OSBPL3: variants seen among roughly 807,000 people sequenced by gnomAD.
OSBPL3 encodes the protein oxysterol-binding protein-related protein 3.
In OSBPL3, 65 loss-of-function variants were observed where a neutral mutation model predicts 120.1. The observed-to-expected ratio is 0.54, with a 90% CI of 0.44 to 0.67. The LOEUF (loss-of-function observed/expected upper bound fraction) is 0.67. OSBPL3 is among the 30% of genes least tolerant of loss of function. The pLI is 0.00. For missense variants in OSBPL3, 1,004 were observed against 1,082.1 expected (o/e 0.93, Z 1.01); for synonymous variants, 416 against 402.6 (o/e 1.03, Z -0.40).
At chr7:24,823,827 G>A (rs888728493) in intron 16 of OSBPL3, among the ~76,000 whole-genome samples, 3 of 152,172 alleles carry the variant, frequency 2.0e-5, no homozygotes, top group Non-Finnish European at 4.4e-5. Context: ...ATGGAAAAAG[G>A]TAATTCACAG....
chr7:24,870,897 G>C, intron 4 of OSBPL3, 52 bp from the exon 5 acceptor site: 1 of 1,128,542 alleles, frequency 8.9e-7, no homozygotes, highest in African/African-American at 1.5e-5. Context: ...AGAAGCAGTA[G>C]TCACATCCCT....
chr7:24,848,825 A>G (rs1201734604), intron 12 of OSBPL3, among the ~76,000 whole-genome samples: 1 of 148,924 alleles, frequency 6.7e-6, no homozygotes, highest in Non-Finnish European at 1.5e-5. Flanking sequence ...ACAGAAATAT[A>G]AAAAAAAAAG....
chr7:24,897,312 G>A (rs1220524743), intron 1 of OSBPL3, among the ~76,000 whole-genome samples: 1 of 150,220 alleles, frequency 6.7e-6, no homozygotes, highest in Non-Finnish European at 1.5e-5. Context: ...AAATAAAGAT[G>A]GCAGAATCTT....
chr7:24,935,906 A>C (rs1029719963), intron 1 of OSBPL3, among the ~76,000 whole-genome samples: 1 of 151,990 alleles, frequency 6.6e-6, no homozygotes, highest in African/African-American at 2.4e-5. Flanking sequence ...ATTATACTTT[A>C]AGTTTTAGGG....
At chr7:24,917,032 A>AACACCATATTT (rs2128437163) in intron 1 of OSBPL3, among the ~76,000 whole-genome samples, 2 of 152,218 alleles carry the variant, frequency 1.3e-5, no homozygotes, top group African/African-American at 2.4e-5. Context: ...AATTCCCAGG[A>AACACCATATTT]GTAGAGGGGG....
intron 18 of OSBPL3, among the ~76,000 whole-genome samples, chr7:24,816,163 T>A (rs886902758): frequency 1.2e-4 from 18 of 152,206 alleles, no homozygotes; most frequent in African/African-American, 4.1e-4. Flanking sequence ...TAGCTGGGAC[T>A]ACAGGTGCGT....
intron 16 of OSBPL3, among the ~76,000 whole-genome samples, chr7:24,828,958 CTCTT>C (rs1796055473): frequency 6.6e-6 from 1 of 152,132 alleles, no homozygotes; most frequent in South Asian, 2.1e-4. Flanking sequence ...TTATGTAACC[CTCTT>C]TCTGTCTTTG....
Position 24,804,646 on chromosome 7 carries a change from T to A in OSBPL3, c.2445-209A>T, listed in dbSNP as rs1337533064. Among the ~76,000 whole-genome samples, 2 of 152,194 alleles carry A rather than the reference T, an allele frequency of 1.3e-5. No individual in the cohort carries two copies. The highest frequency in any genetic ancestry group is 2.9e-5 in the Non-Finnish European group (2 of 68,044). On this transcript the variant is annotated intron_variant, in intron 21 of 22. Transcript: ENST00000313367. The surrounding 1 kb of genome is among the most constrained non-coding windows in gnomAD (Gnocchi z 5.4). The stretch of plus-strand genomic sequence containing the variant: ...ATATTTACATAATTCAAAAATTATA[T>A]CTACAAAAAAGAATTTGGGGCAAAG...
In OSBPL3 at chr7:24,863,611, A is replaced by G; in HGVS notation, c.674-12T>C. The G allele has an allele frequency of 6.4e-7, 1 of 1,564,322 alleles. No homozygotes were observed. Among genetic ancestry groups the G allele is most frequent in the Non-Finnish European group, 8.8e-7 (1 of 1,134,524 alleles). ...ACAGTGCGCCAGGTCTGTGGGGGAA[A>G]AGAGGACAGTGCTCACAATGCTCCA... On this transcript the variant is annotated splice_polypyrimidine_tract_variant and intron_variant, in intron 7 of 22. Transcript: ENST00000313367. The surrounding 1 kb of genome is among the most constrained non-coding windows in gnomAD (Gnocchi z 5.8).
In OSBPL3 at chr7:24,804,461, T is replaced by G. The variant is rs57390482; in HGVS notation, c.2445-24A>C. On this transcript the variant is annotated intron_variant, in intron 21 of 22. Coordinates refer to ENST00000313367, the MANE Select transcript of OSBPL3 (RefSeq NM_015550.4). This position sits in a 1 kb window ranked among gnomAD's most constrained non-coding sequence, Gnocchi z 5.4. ...ACCTGAGGCATCGAGGAAAAAAAAA[T>G]GAAAGGATATGAATTCAAGAAAACA... 6.2e-7 allele frequency: 1 copy of G among 1,600,482 alleles called. No homozygotes were observed. The highest frequency in any genetic ancestry group is 8.5e-7 in the Non-Finnish European group (1 of 1,171,514).
chr7:24,821,640 G>C lies in OSBPL3; in HGVS notation c.1885-1402C>G, dbSNP rs1041447111. ...CCAGTGTGGGCCAAAGAAAGGTAGA[G>C]ACAAAGACGTAAATCATGTAGGCAT... On this transcript the variant is annotated intron_variant, in intron 16 of 22. Transcript: ENST00000313367. The surrounding 1 kb of genome is among the most constrained non-coding windows in gnomAD (Gnocchi z 5.5). 2.6e-5 allele frequency among the ~76,000 whole-genome samples: 4 copies of C among 152,222 alleles called. No individual in the cohort carries two copies. Among genetic ancestry groups the C allele is most frequent in the Non-Finnish European group, 5.9e-5 (4 of 68,046 alleles).
At position 24,854,523 on chromosome 7, in the gene OSBPL3, C is replaced by A. The variant is rs1019392049; in HGVS notation, c.1028-1889G>T. Among the ~76,000 whole-genome samples, 9 of 150,070 alleles carry A rather than the reference C, an allele frequency of 6.0e-5. No individual in the cohort carries two copies. The highest frequency in any genetic ancestry group is 2.0e-4 in the Admixed American group (3 of 14,968). On this transcript the variant is annotated intron_variant, in intron 10 of 22. Coordinates refer to ENST00000313367, the MANE Select transcript of OSBPL3 (RefSeq NM_015550.4). This position sits in a 1 kb window ranked among gnomAD's most constrained non-coding sequence, Gnocchi z 4.1. ...ACACGCACACACACACACACACACA[C>A]ACACACACACACACAAACACACACA...
chr7:24,923,226 C>T (rs1212739652), intron 1 of OSBPL3, among the ~76,000 whole-genome samples: 1 of 152,194 alleles, frequency 6.6e-6, no homozygotes, highest in Non-Finnish European at 1.5e-5. Context: ...GAGTGGAGCT[C>T]CTCAGGACTG....
rs767271004 is a variant in OSBPL3 at position 24,892,438 on chromosome 7, T to G, written c.35A>C (p.Gln12Pro). ...GCTCCTTGAAGGTGATACCAATTTT[T>G]GGGACACACCAAGGTTCTTCTCATC... ...MSDEKNLGVS[Q>P]KLVSPSRSTS... The change falls in exon 2 of 23, where the codon CAA becomes CCA. Residue 12 changes from glutamine (Q) to proline (P), a missense_variant. Gln to Pro is a moderately conservative substitution (Grantham distance 76, BLOSUM62 -1). Around this residue, in one of 4 missense-constraint regions of OSBPL3, gnomAD observed 255 missense variants for 248.7 expected, o/e 1.03. Coordinates refer to ENST00000313367, the MANE Select transcript of OSBPL3 (RefSeq NM_015550.4). 165 of 1,613,760 alleles carry G rather than the reference T, an allele frequency of 1.0e-4. No homozygotes were observed. The highest frequency in any genetic ancestry group is 1.3e-4 in the Non-Finnish European group (159 of 1,179,804).
intron 22 of OSBPL3, among the ~76,000 whole-genome samples, chr7:24,801,200 C>T (rs556265111): frequency 5.2e-5 from 7 of 133,750 alleles, no homozygotes; most frequent in Admixed American, 2.5e-4. Flanking sequence ...GCTAGGATCA[C>T]GGCACTGCAC....
Position 24,863,670 on chromosome 7 carries a change from C to T in OSBPL3, c.674-71G>A, listed in dbSNP as rs1399108213. ...AGGGATCACTGTGCTGTCCCCATGC[C>T]AGCTACTTTTCCTTATTTATCTGTA... On this transcript the variant is annotated intron_variant, in intron 7 of 22. Transcript: ENST00000313367. The surrounding 1 kb of genome is among the most constrained non-coding windows in gnomAD (Gnocchi z 5.8). 5 of 977,960 alleles carry T rather than the reference C, an allele frequency of 5.1e-6. No homozygotes were observed. The highest frequency in any genetic ancestry group is 2.1e-4 in the Middle Eastern group (1 of 4,706). The allele number at this position is 977,960 out of a possible 1,614,324, so 60.6% of individuals were successfully genotyped here. A position where few individuals can be genotyped will look rare whatever the true frequency, so the allele number is the denominator to read the frequency against.
chr7:24,843,882 C>T (rs1029785037), intron 12 of OSBPL3, among the ~76,000 whole-genome samples: 1 of 152,340 alleles, frequency 6.6e-6, no homozygotes, highest in Middle Eastern at 3.4e-3. Context: ...CTCACTCAAA[C>T]AAGAGAATAG....
In OSBPL3 at chr7:24,820,882, A is replaced by G. The variant is rs117676329; in HGVS notation, c.1885-644T>C. ...AGTCAACTGTTAAGAAATTTTATTT[A>G]TTTTTGGTCTAATAAAACTATCTTA... On this transcript the variant is annotated intron_variant, in intron 16 of 22. Coordinates refer to ENST00000313367, the MANE Select transcript of OSBPL3 (RefSeq NM_015550.4). This position sits in a 1 kb window ranked among gnomAD's most constrained non-coding sequence, Gnocchi z 4.6. 7.1e-4 allele frequency among the ~76,000 whole-genome samples: 108 copies of G among 152,128 alleles called. 1 individual carries two copies. Among genetic ancestry groups the G allele is most frequent in the Non-Finnish European group, 1.4e-3 (95 of 68,004 alleles).
intron 2 of OSBPL3, among the ~76,000 whole-genome samples, chr7:24,878,408 A>T (rs1384978747): frequency 1.3e-5 from 2 of 152,240 alleles, no homozygotes; most frequent in Admixed American, 1.3e-4. Context: ...ATCACAAGGC[A>T]ATACCCAGCC....
Sources: gnomAD v4.1 joint callset for allele counts (sites outside exome capture counted in the v4.1 genomes callset) on GRCh38, gnomAD v4.1.1 for gene constraint, gnomAD v4.1.1 regional missense constraint, Gnocchi (gnomAD v3.1) non-coding constraint, MANE v1.5 for transcripts, NCBI Gene and HGNC (gene_info 2026-07-23, HGNC 2026-07-21) for gene names.